BMPR1A: variants seen among roughly 807,000 people sequenced by gnomAD.
BMPR1A encodes bone morphogenetic protein receptor type-1A.
BMPR1A carries 7 observed loss-of-function variants against 66.0 expected under a neutral mutation model. That is an observed-to-expected ratio of 0.11 (90% confidence interval 0.06 to 0.20). BMPR1A has a LOEUF of 0.20. BMPR1A is among the 10% of genes least tolerant of loss of function. The pLI is 1.00. For synonymous variants in BMPR1A, 200 were observed against 229.7 expected (o/e 0.87, Z 1.17); for missense variants, 408 against 669.1 (o/e 0.61, Z 4.31).
chr10:86,873,742 T>A (rs1842882087), intron 2 of BMPR1A, among the ~76,000 whole-genome samples: 1 of 152,248 alleles, frequency 6.6e-6, no homozygotes, highest in Non-Finnish European at 1.5e-5. Flanking sequence ...ATCCTTAGAA[T>A]GACAGTTGAA....
Position 86,800,913 on chromosome 10 carries a change from C to T in BMPR1A, c.-267-37952C>T, listed in dbSNP as rs532225706. Among the ~76,000 whole-genome samples the T allele has an allele frequency of 5.3e-5, 8 of 152,186 alleles. No individual in the cohort carries two copies. The South Asian group carries it at 1.0e-3, about 20-fold the overall frequency. ...AAAGTGAGAATAAAATTAGTAGTGC[C>T]GCTGTGAGGAAAATAATCTTCACGT... is the stretch of plus-strand genomic sequence containing the variant. On this transcript the variant is annotated intron_variant, in intron 1 of 12. Coordinates refer to ENST00000372037, the MANE Select transcript of BMPR1A (RefSeq NM_004329.3).
intron 2 of BMPR1A, among the ~76,000 whole-genome samples, chr10:86,863,751 C>T (rs1173229716): frequency 6.6e-6 from 1 of 151,992 alleles, no homozygotes; most frequent in East Asian, 1.9e-4. Context: ...CCAGCTCGCC[C>T]CTGAACTTTT....
intron 1 of BMPR1A, among the ~76,000 whole-genome samples, chr10:86,788,195 A>G (rs981516934): frequency 3.9e-5 from 6 of 152,188 alleles, no homozygotes; most frequent in Admixed American, 2.0e-4. Context: ...AAAATTTCTT[A>G]ATGCTTTTTA....
chr10:86,767,837 G>C (rs962112111), intron 1 of BMPR1A, among the ~76,000 whole-genome samples: 3 of 152,112 alleles, frequency 2.0e-5, no homozygotes, highest in African/African-American at 7.2e-5. Context: ...TTGCAAGCAG[G>C]GAAGATGGTC....
At chr10:86,867,363 A>ACTT (rs1842799653) in intron 2 of BMPR1A, among the ~76,000 whole-genome samples, 1 of 152,226 alleles carries the variant, frequency 6.6e-6, no homozygotes, top group Non-Finnish European at 1.5e-5. Context: ...GGAGTAGTCA[A>ACTT]CTTGTACCCA....
chr10:86,851,183 G>C (rs1328341730), intron 2 of BMPR1A, among the ~76,000 whole-genome samples: 1 of 152,196 alleles, frequency 6.6e-6, no homozygotes, highest in Admixed American at 6.5e-5. Context: ...ACTGTCAGTA[G>C]TAACTGGCCG....
At chr10:86,906,745 A>C (rs1435701117) in intron 7 of BMPR1A, among the ~76,000 whole-genome samples, 1 of 33,838 alleles carries the variant, frequency 3.0e-5, no homozygotes, top group Non-Finnish European at 4.5e-5. Context: ...AAAAAAAAAA[A>C]AAAAAAAAAA....
At chr10:86,837,114 T>C (rs1842359551) in intron 1 of BMPR1A, among the ~76,000 whole-genome samples, 1 of 152,224 alleles carries the variant, frequency 6.6e-6, no homozygotes, top group Non-Finnish European at 1.5e-5. Context: ...CCTAAAACTT[T>C]TAGCCAAGGA....
At chr10:86,853,418 T>G (rs1038168440) in intron 2 of BMPR1A, among the ~76,000 whole-genome samples, 17 of 152,158 alleles carry the variant, frequency 1.1e-4, no homozygotes, top group Admixed American at 4.6e-4. Flanking sequence ...TTATGAAAAT[T>G]TACTAGGGGC....
intron 4 of BMPR1A, 107 bp from the exon 5 acceptor site, chr10:86,892,020 A>G: frequency 1.2e-6 from 1 of 842,142 alleles, no homozygotes; most frequent in Non-Finnish European, 1.9e-6. Flanking sequence ...AAGTCACAAA[A>G]CAAAGTATTA....
chr10:86,785,051 A>T (rs1841497052), intron 1 of BMPR1A, among the ~76,000 whole-genome samples: 1 of 152,118 alleles, frequency 6.6e-6, no homozygotes, highest in South Asian at 2.1e-4. Context: ...TTGTCTCAAG[A>T]TGTTTTCTAA....
intron 11 of BMPR1A, 142 bp from the exon 12 acceptor site, chr10:86,923,234 A>C (rs926640696): frequency 1.5e-5 from 17 of 1,155,090 alleles, no homozygotes; most frequent in Non-Finnish European, 2.0e-5. Context: ...TACATCTACT[A>C]TTAAGAGTGA....
At chr10:86,835,105 A>G (rs1564698772) in intron 1 of BMPR1A, among the ~76,000 whole-genome samples, 1 of 152,002 alleles carries the variant, frequency 6.6e-6, no homozygotes, top group Non-Finnish European at 1.5e-5. Flanking sequence ...GGCTTAGGGC[A>G]TGGCCGTACT....
intron 2 of BMPR1A, among the ~76,000 whole-genome samples, chr10:86,859,383 G>C (rs1842684347): frequency 6.6e-6 from 1 of 151,978 alleles, no homozygotes; most frequent in African/African-American, 2.4e-5. Context: ...TGCCCAGGCT[G>C]GTCTCAAACT....
intron 1 of BMPR1A, among the ~76,000 whole-genome samples, chr10:86,803,845 A>G (rs1841846618): frequency 1.3e-5 from 2 of 152,160 alleles, no homozygotes; most frequent in East Asian, 3.8e-4. Context: ...GCTAATATTC[A>G]TTGACTGATT....
intron 2 of BMPR1A, among the ~76,000 whole-genome samples, chr10:86,850,918 A>G (rs984794042): frequency 2.6e-5 from 4 of 152,264 alleles, no homozygotes; most frequent in African/African-American, 4.8e-5. Flanking sequence ...AGAAAGAATT[A>G]TGAATACAGC....
chr10:86,920,850 T>G (rs777298565), intron 10 of BMPR1A, among the ~76,000 whole-genome samples: 1 of 145,770 alleles, frequency 6.9e-6, no homozygotes. Context: ...TTTTTCCTTT[T>G]CTTTTCTTTT....
chr10:86,800,108 A>AT, intron 1 of BMPR1A, among the ~76,000 whole-genome samples: 1 of 152,290 alleles, frequency 6.6e-6, no homozygotes, highest in Admixed American at 6.5e-5. Context: ...TTATAATGTA[A>AT]TTTTTTAAAA....
In BMPR1A at chr10:86,906,790, G is replaced by GT. The variant is rs1359537956; in HGVS notation, c.531-5445dup. The stretch of plus-strand genomic sequence containing the variant: ...CTTTGTCCTTTTATCTGTCTCTTCT[G>GT]TTTTTGAGACTCCAATTATACATAT... On this transcript the variant is annotated intron_variant, in intron 7 of 12. Transcript: ENST00000372037. Among the ~76,000 whole-genome samples the GT allele has an allele frequency of 1.4e-5, 2 of 142,396 alleles. 1 individual carries two copies. The highest frequency in any genetic ancestry group is 5.0e-5 in the African/African-American group (2 of 39,764). The allele number at this position is 142,396 out of a possible 152,430, so 93.4% of individuals were successfully genotyped here.
Sources: gnomAD v4.1 joint callset for allele counts (sites outside exome capture counted in the v4.1 genomes callset) on GRCh38, gnomAD v4.1.1 for gene constraint, MANE v1.5 for transcripts, NCBI Gene and HGNC (gene_info 2026-07-23, HGNC 2026-07-21) for gene names.